Variants in B3GALT1 observed in about 807,000 individuals in gnomAD.
The protein encoded by B3GALT1 is UDP-Gal:betaGlcNAc beta 1,3-galactosyltransferase, polypeptide 1.
In B3GALT1, 10 loss-of-function variants were observed where a neutral mutation model predicts 23.2. That is an observed-to-expected ratio of 0.43 (90% CI 0.27 to 0.73). The LOEUF is 0.73. Ranked by LOEUF, B3GALT1 falls within the 30% of genes least tolerant of loss-of-function variation. B3GALT1 has a pLI of 0.21. For missense variants in B3GALT1, 299 were observed against 405.4 expected, an observed-to-expected ratio of 0.74 and a Z score of 2.25; for synonymous variants, 156 against 141.5, an observed-to-expected ratio of 1.10 and a Z score of -0.73.
intron 2 of B3GALT1, among the ~76,000 whole-genome samples, chr2:167,559,649 G>T (rs1382001286): frequency 6.6e-6 from 1 of 152,206 alleles, no homozygotes; most frequent in Non-Finnish European, 1.5e-5. Flanking sequence ...CGAGAACTAC[G>T]TGAAGAATGC....
At chr2:167,399,772 C>A (rs938423181) in intron 1 of B3GALT1, among the ~76,000 whole-genome samples, 1 of 152,000 alleles carries the variant, frequency 6.6e-6, no homozygotes, top group South Asian at 2.1e-4. Flanking sequence ...TAAGACTTCT[C>A]TTAACTTTAC....
At chr2:167,825,759 C>T (rs899098005) in intron 4 of B3GALT1, among the ~76,000 whole-genome samples, 5 of 152,122 alleles carry the variant, frequency 3.3e-5, no homozygotes, top group African/African-American at 1.2e-4. Context: ...GACTTTGTCT[C>T]GGGCTTGGGC....
chr2:167,533,138 G>A (rs1369274616), intron 2 of B3GALT1, among the ~76,000 whole-genome samples: 1 of 152,072 alleles, frequency 6.6e-6, no homozygotes, highest in African/African-American at 2.4e-5. Context: ...TGGAATTACA[G>A]GCATGAGCTA....
chr2:167,336,290 G>A (rs963949665), intron 1 of B3GALT1, among the ~76,000 whole-genome samples: 9 of 152,092 alleles, frequency 5.9e-5, no homozygotes, highest in Non-Finnish European at 1.3e-4. Flanking sequence ...TCATTGGGTG[G>A]ACATTGGTGT....
At chr2:167,560,968 T>G (rs1324023857) in intron 2 of B3GALT1, among the ~76,000 whole-genome samples, 1 of 151,832 alleles carries the variant, frequency 6.6e-6, no homozygotes, top group Non-Finnish European at 1.5e-5. Flanking sequence ...AATAGACATC[T>G]ACAGAACTCT....
chr2:167,417,428 C>T (rs555887608), intron 1 of B3GALT1, among the ~76,000 whole-genome samples: 1 of 152,256 alleles, frequency 6.6e-6, no homozygotes, highest in Non-Finnish European at 1.5e-5. Flanking sequence ...CTCAACTTTG[C>T]ACTTCTCAGG....
At chr2:167,805,108 G>A (rs1407394278) in intron 3 of B3GALT1, among the ~76,000 whole-genome samples, 3 of 152,088 alleles carry the variant, frequency 2.0e-5, no homozygotes, top group Non-Finnish European at 2.9e-5. Context: ...TGTGTCTTTT[G>A]GCTGCATAAA....
At chr2:167,323,859 G>A (rs1214808491) in intron 1 of B3GALT1, among the ~76,000 whole-genome samples, 1 of 150,780 alleles carries the variant, frequency 6.6e-6, no homozygotes, top group Non-Finnish European at 1.5e-5. Flanking sequence ...TTCTTAACTC[G>A]AGGAGTTGTA....
intron 3 of B3GALT1, among the ~76,000 whole-genome samples, chr2:167,781,114 A>C (rs1688238646): frequency 1.3e-5 from 2 of 152,322 alleles, no homozygotes; most frequent in Admixed American, 1.3e-4. Flanking sequence ...AGTTATATGC[A>C]AAATTTCTCT....
intron 1 of B3GALT1, among the ~76,000 whole-genome samples, chr2:167,371,857 A>T (rs549001010): frequency 1.6e-3 from 237 of 152,022 alleles, no homozygotes; most frequent in Non-Finnish European, 9.1e-4. Context: ...CAGAGGTAAA[A>T]TTTTTAGAAA....
intron 4 of B3GALT1, among the ~76,000 whole-genome samples, chr2:167,846,084 C>T (rs1383146299): frequency 6.6e-6 from 1 of 152,008 alleles, no homozygotes; most frequent in Non-Finnish European, 1.5e-5. Context: ...TGAACAAAGT[C>T]TCCAAGAAGT....
At chr2:167,559,886 A>T (rs1036685208) in intron 2 of B3GALT1, among the ~76,000 whole-genome samples, 3 of 152,216 alleles carry the variant, frequency 2.0e-5, no homozygotes, top group Admixed American at 6.5e-5. Flanking sequence ...ACTCTGCAGG[A>T]TGTTATCCAG....
At chr2:167,361,425 A>T (rs754713991) in intron 1 of B3GALT1, among the ~76,000 whole-genome samples, 9 of 152,220 alleles carry the variant, frequency 5.9e-5, no homozygotes, top group Non-Finnish European at 1.0e-4. Context: ...AAAAAATGTT[A>T]TTAAAGAAAC....
At chr2:167,731,421 A>G (rs1415472090) in intron 3 of B3GALT1, among the ~76,000 whole-genome samples, 4 of 152,158 alleles carry the variant, frequency 2.6e-5, no homozygotes, top group African/African-American at 4.8e-5. Flanking sequence ...TACCCCCAGG[A>G]TCATCAGCGC....
intron 1 of B3GALT1, among the ~76,000 whole-genome samples, chr2:167,448,286 T>C (rs6747287): frequency 0.012 from 1,797 of 152,068 alleles, 40 homozygotes; most frequent in African/African-American, 0.042. Flanking sequence ...CCGACATCTG[T>C]TTTTTTTAAT....
chr2:167,483,072 T>C (rs890547285), intron 1 of B3GALT1, among the ~76,000 whole-genome samples: 3 of 152,020 alleles, frequency 2.0e-5, no homozygotes. Flanking sequence ...GGCAGGCAGA[T>C]CACCTGAGGA....
intron 2 of B3GALT1, among the ~76,000 whole-genome samples, chr2:167,516,879 C>A (rs188154438): frequency 4.0e-5 from 6 of 151,870 alleles, no homozygotes; most frequent in Non-Finnish European, 8.8e-5. Flanking sequence ...AGATTTACTT[C>A]ATGTTTCAAT....
intron 2 of B3GALT1, among the ~76,000 whole-genome samples, chr2:167,631,951 C>A (rs1195433699): frequency 3.3e-5 from 5 of 151,808 alleles, no homozygotes; most frequent in African/African-American, 4.8e-5. Context: ...CCCTACCCCC[C>A]ACCCACTGAC....
chr2:167,536,118 G>T (rs1683419561), intron 2 of B3GALT1, among the ~76,000 whole-genome samples: 2 of 152,002 alleles, frequency 1.3e-5, no homozygotes, highest in African/African-American at 4.8e-5. Flanking sequence ...TGTTGATCAG[G>T]CTGGTGTCAA....
Sources: gnomAD v4.1 joint callset for allele counts (sites outside exome capture counted in the v4.1 genomes callset) on GRCh38, gnomAD v4.1.1 for gene constraint, MANE v1.5 for transcripts, NCBI Gene and HGNC (gene_info 2026-07-23, HGNC 2026-07-21) for gene names.